The following MBP variants were observed in gnomAD, a reference collection of about 807,000 sequenced individuals.
MBP encodes the protein Golli-MBP.
Under a neutral mutation model 35.8 loss-of-function variants are expected in MBP, and 16 were observed. The observed-to-expected ratio is 0.45, with a 90% CI of 0.30 to 0.68. The LOEUF (loss-of-function observed/expected upper bound fraction) is 0.68. MBP is among the 30% of genes least tolerant of loss of function. The pLI, the probability that MBP is intolerant of heterozygous loss-of-function variation, is 0.08. For missense variants in MBP, 380 were observed against 404.7 expected (o/e 0.94, Z 0.52); for synonymous variants, 143 against 159.6 (o/e 0.90, Z 0.78).
chr18:77,057,585 C>T (rs187248565), intron 3 of MBP, among the ~76,000 whole-genome samples: 2 of 152,272 alleles, frequency 1.3e-5, no homozygotes, highest in Admixed American at 6.5e-5. Flanking sequence ...GAGAGGAGCT[C>T]CCGCGACTGC....
intron 3 of MBP, among the ~76,000 whole-genome samples, chr18:77,053,993 C>T (rs1372296474): frequency 2.6e-5 from 4 of 152,238 alleles, no homozygotes; most frequent in Admixed American, 1.3e-4. Context: ...GCCCCCTCCT[C>T]GAGGTGGGGC....
At chr18:77,015,362 T>C (rs1011925455) in intron 4 of MBP, 2 of 985,310 alleles carry the variant, frequency 2.0e-6, no homozygotes, top group Non-Finnish European at 2.4e-6. Context: ...TAGCAACGCT[T>C]TATTGGGCAA....
chr18:77,130,808 A>T (rs1047838208), intron 1 of MBP, among the ~76,000 whole-genome samples: 2 of 151,930 alleles, frequency 1.3e-5, no homozygotes, highest in African/African-American at 4.8e-5. Flanking sequence ...ATGAGCTACC[A>T]GGTGTAAAAC....
At chr18:77,122,769 C>T (rs1976929391) in intron 1 of MBP, among the ~76,000 whole-genome samples, 1 of 152,218 alleles carries the variant, frequency 6.6e-6, no homozygotes, top group African/African-American at 2.4e-5. Flanking sequence ...TGTTGAACTC[C>T]TGACCTCAGT....
intron 1 of MBP, among the ~76,000 whole-genome samples, chr18:77,126,350 G>T (rs1977048316): frequency 6.6e-6 from 1 of 152,116 alleles, no homozygotes; most frequent in African/African-American, 2.4e-5. Context: ...TCCCAGAAAA[G>T]ACATTTGACA....
At chr18:77,116,312 A>G (rs1439535608) in intron 1 of MBP, among the ~76,000 whole-genome samples, 1 of 152,256 alleles carries the variant, frequency 6.6e-6, no homozygotes, top group Admixed American at 6.5e-5. Flanking sequence ...AAAGGGCCCC[A>G]TGTTTTCACA....
intron 4 of MBP, among the ~76,000 whole-genome samples, chr18:77,010,300 A>G (rs1174553965): frequency 6.6e-6 from 1 of 152,266 alleles, no homozygotes; most frequent in East Asian, 1.9e-4. Flanking sequence ...AAAGATTTCT[A>G]GGATCCAGTG....
intron 3 of MBP, among the ~76,000 whole-genome samples, chr18:77,034,022 G>A (rs1250430691): frequency 7.7e-6 from 1 of 129,468 alleles, no homozygotes; most frequent in Admixed American, 8.7e-5. Flanking sequence ...CTATGATGAA[G>A]TGTCTCTTGT....
intron 2 of MBP, 132 bp from the exon 3 acceptor site, chr18:77,066,517 T>C (rs757481625): frequency 1.3e-6 from 1 of 787,798 alleles, no homozygotes; most frequent in African/African-American, 1.7e-5. Context: ...CAAGATAGAA[T>C]ATAGAGCCTT....
At chr18:77,099,114 T>C (rs1277589683) in intron 2 of MBP, among the ~76,000 whole-genome samples, 1 of 152,154 alleles carries the variant, frequency 6.6e-6, no homozygotes. Flanking sequence ...GGGAAAAATA[T>C]TGGTAATTTA....
At chr18:77,081,534 G>C (rs1974899503) in intron 2 of MBP, among the ~76,000 whole-genome samples, 1 of 152,056 alleles carries the variant, frequency 6.6e-6, no homozygotes, top group African/African-American at 2.4e-5. Flanking sequence ...GAATCAAAAA[G>C]ACTAATGGCA....
At chr18:77,057,070 C>A (rs1032227315) in intron 3 of MBP, among the ~76,000 whole-genome samples, 1 of 152,174 alleles carries the variant, frequency 6.6e-6, no homozygotes, top group Non-Finnish European at 1.5e-5. Context: ...CTGGGTACTA[C>A]AATGAAGCAG....
chr18:77,034,315 A>C (rs113869587), intron 3 of MBP, among the ~76,000 whole-genome samples: 2 of 152,122 alleles, frequency 1.3e-5, no homozygotes, highest in African/African-American at 4.8e-5. Context: ...TACAGAGCTG[A>C]ATTCTACTGG....
chr18:77,009,205 TCTC>T (rs1971183560), intron 4 of MBP, among the ~76,000 whole-genome samples: 1 of 152,056 alleles, frequency 6.6e-6, no homozygotes, highest in South Asian at 2.1e-4. Context: ...CCCTTCCCCT[TCTC>T]CTCCTGGCTG....
chr18:77,039,859 C>T (rs1336975858), intron 3 of MBP, among the ~76,000 whole-genome samples: 1 of 152,210 alleles, frequency 6.6e-6, no homozygotes, highest in Non-Finnish European at 1.5e-5. Flanking sequence ...CAGCCCCTGT[C>T]CGGTCACCCG....
At chr18:77,009,844 C>G (rs1568285594) in intron 4 of MBP, 1 of 1,579,938 alleles carries the variant, frequency 6.3e-7, no homozygotes, top group Non-Finnish European at 8.6e-7. Flanking sequence ...CCGCCGGCGT[C>G]TTACCTTGTA....
chr18:77,064,697 C>G (rs538222), intron 3 of MBP, among the ~76,000 whole-genome samples: 152,365 of 152,370 alleles, frequency 1, 76,180 homozygotes, highest in Middle Eastern at 1. Flanking sequence ...TGTCTAACAG[C>G]TGAAATATAA....
chr18:77,043,055 T>C (rs79666194), intron 3 of MBP, among the ~76,000 whole-genome samples: 5,608 of 152,338 alleles, frequency 0.037, 123 homozygotes, highest in South Asian at 0.066. Flanking sequence ...TAGAAAAGAA[T>C]GCATACTAAC....
At chr18:77,100,816 G>T (rs1975978041) in intron 2 of MBP, among the ~76,000 whole-genome samples, 2 of 152,080 alleles carry the variant, frequency 1.3e-5, no homozygotes, top group South Asian at 2.1e-4. Context: ...GCCTCCCGCA[G>T]TGCTGGGATT....
Sources: gnomAD v4.1 joint callset for allele counts (sites outside exome capture counted in the v4.1 genomes callset) on GRCh38, gnomAD v4.1.1 for gene constraint, MANE v1.5 for transcripts, NCBI Gene and HGNC (gene_info 2026-07-23, HGNC 2026-07-21) for gene names.